Variants in SLC22A25 observed in about 807,000 individuals in gnomAD.
SLC22A25 encodes solute carrier family 22 member 25, also known as MGI:2442751, MGI:2385316, MGI:3042283, MGI:3645714, MGI:3605624, MGI:2442750.
Under a neutral mutation model 45.9 loss-of-function variants are expected in SLC22A25, and 44 were observed. The observed-to-expected ratio is 0.96, with a 90% CI of 0.75 to 1.23. The LOEUF is 1.23. SLC22A25 is among the 50% of genes most tolerant of loss of function. The pLI is 0.00. For synonymous variants in SLC22A25, 283 were observed against 238.6 expected, an observed-to-expected ratio of 1.19 and a Z score of -1.72; for missense variants, 800 against 666.4, an observed-to-expected ratio of 1.20 and a Z score of -2.21.
At chr11:63,191,867 T>C (rs1479278198) in intron 7 of SLC22A25, among the ~76,000 whole-genome samples, 1 of 152,006 alleles carries the variant, frequency 6.6e-6, no homozygotes, top group Non-Finnish European at 1.5e-5. Context: ...CTGAAAGGGA[T>C]TGGAAGAATG....
chr11:63,231,756 A>C (rs1229488287), intron 3 of SLC22A25, among the ~76,000 whole-genome samples: 2 of 152,118 alleles, frequency 1.3e-5, no homozygotes, highest in Non-Finnish European at 2.9e-5. Flanking sequence ...TAGGGTTTTT[A>C]TGGTTTTAGG....
chr11:63,210,273 C>T lies in SLC22A25; in HGVS notation c.830+7041G>A, dbSNP rs576150958. Among the ~76,000 whole-genome samples the T allele has an allele frequency of 2.0e-5, 3 of 152,048 alleles. No homozygotes were observed. The East Asian group carries it at 5.8e-4, about 29-fold the overall frequency. ...AATAACAAACAAAGTATACATAAAC[C>T]GGGAAGAAAGGAAGAAAGAAAAACC... On this transcript the variant is annotated intron_variant, in intron 7 of 11. Coordinates refer to ENST00000306494, the MANE Select transcript of SLC22A25 (RefSeq NM_199352.6).
chr11:63,204,428 A>G (rs921376092), intron 7 of SLC22A25, among the ~76,000 whole-genome samples: 4 of 152,216 alleles, frequency 2.6e-5, no homozygotes, highest in Non-Finnish European at 5.9e-5. Flanking sequence ...CACATGCAAG[A>G]ACACACATAG....
At chr11:63,204,308 A>G (rs967312600) in intron 7 of SLC22A25, among the ~76,000 whole-genome samples, 1 of 152,232 alleles carries the variant, frequency 6.6e-6, no homozygotes. Context: ...ACATATAACC[A>G]TATTAACCTT....
chr11:63,180,223 T>A (rs753510912), intron 9 of SLC22A25, among the ~76,000 whole-genome samples: 92 of 152,304 alleles, frequency 6.0e-4, no homozygotes, highest in Non-Finnish European at 1.0e-3. Flanking sequence ...TACGTCATCT[T>A]GCTGAACTTG....
chr11:63,215,931 C>T (rs2089698023), intron 7 of SLC22A25, among the ~76,000 whole-genome samples: 1 of 152,176 alleles, frequency 6.6e-6, no homozygotes, highest in Non-Finnish European at 1.5e-5. Context: ...ATCCATGTTC[C>T]TGCAAAAGAC....
At chr11:63,169,268 GC>G (rs1331105015) in intron 9 of SLC22A25, among the ~76,000 whole-genome samples, 2 of 152,078 alleles carry the variant, frequency 1.3e-5, no homozygotes, top group African/African-American at 4.8e-5. Context: ...CAACTAATGT[GC>G]AAACTAAGCA....
chr11:63,224,049 T>C (rs1161709721), intron 5 of SLC22A25, among the ~76,000 whole-genome samples: 1 of 152,142 alleles, frequency 6.6e-6, no homozygotes, highest in Non-Finnish European at 1.5e-5. Flanking sequence ...ATATTGAAAG[T>C]GGGGTGTTGA....
intron 8 of SLC22A25, 112 bp downstream of exon 8, chr11:63,183,582 A>T: frequency 7.4e-7 from 1 of 1,353,096 alleles, no homozygotes; most frequent in Non-Finnish European, 1.0e-6. Flanking sequence ...AGGTGAGATG[A>T]CCCATAACTC....
At chr11:63,170,215 A>G (rs909424547) in intron 9 of SLC22A25, among the ~76,000 whole-genome samples, 1 of 152,158 alleles carries the variant, frequency 6.6e-6, no homozygotes, top group Non-Finnish European at 1.5e-5. Flanking sequence ...GAAAGCGAGA[A>G]AGATCTAAAA....
chr11:63,222,932 G>A (rs2089884697), intron 5 of SLC22A25, among the ~76,000 whole-genome samples: 1 of 151,808 alleles, frequency 6.6e-6, no homozygotes, highest in African/African-American at 2.4e-5. Flanking sequence ...CACATCAATT[G>A]ATTTTTGTAT....
At chr11:63,194,857 G>C (rs2088949271) in intron 7 of SLC22A25, among the ~76,000 whole-genome samples, 1 of 108,928 alleles carries the variant, frequency 9.2e-6, no homozygotes, top group Non-Finnish European at 1.8e-5. Flanking sequence ...CAAAATAAAG[G>C]GATGGAGGAA....
chr11:63,231,526 C>T (rs1044639392), intron 3 of SLC22A25, among the ~76,000 whole-genome samples: 2 of 152,050 alleles, frequency 1.3e-5, no homozygotes, highest in Non-Finnish European at 1.5e-5. Flanking sequence ...TGTTGGAGTT[C>T]ATTGTAGATT....
intron 7 of SLC22A25, among the ~76,000 whole-genome samples, chr11:63,205,439 CAAA>C (rs1466625844): frequency 6.6e-6 from 1 of 151,978 alleles, no homozygotes; most frequent in East Asian, 1.9e-4. Context: ...AGAGAAGAAT[CAAA>C]TTGGCACAAT....
chr11:63,175,957 G>C (rs2088072644), intron 9 of SLC22A25, among the ~76,000 whole-genome samples: 1 of 151,910 alleles, frequency 6.6e-6, no homozygotes, highest in Non-Finnish European at 1.5e-5. Flanking sequence ...TAGTTGCTTA[G>C]CACCATTTGC....
intron 8 of SLC22A25, among the ~76,000 whole-genome samples, chr11:63,182,163 G>A (rs893846349): frequency 6.6e-6 from 1 of 152,010 alleles, no homozygotes; most frequent in African/African-American, 2.4e-5. Context: ...ACAATATTAG[G>A]TACCCATTCA....
At chr11:63,183,965 C>A (rs2088424950) in intron 7 of SLC22A25, 148 bp from the exon 8 acceptor site, 3 of 1,126,682 alleles carry the variant, frequency 2.7e-6, no homozygotes, top group Middle Eastern at 2.6e-4. Context: ...TTCTCTTGTG[C>A]CATCACCAGG....
At chr11:63,191,397 G>A (rs574403291) in intron 7 of SLC22A25, among the ~76,000 whole-genome samples, 1 of 152,192 alleles carries the variant, frequency 6.6e-6, no homozygotes, top group African/African-American at 2.4e-5. Flanking sequence ...CCATTGAAAA[G>A]CACAGTATTA....
chr11:63,234,524 T>C (rs1289377784), intron 3 of SLC22A25, among the ~76,000 whole-genome samples: 1 of 152,212 alleles, frequency 6.6e-6, no homozygotes, highest in Non-Finnish European at 1.5e-5. Context: ...TTTGAGCCTA[T>C]GTGTGTCTCT....
Sources: allele counts gnomAD v4.1 joint callset (sites outside exome capture counted in the v4.1 genomes callset), GRCh38; gene constraint gnomAD v4.1.1; transcripts MANE v1.5; gene names NCBI Gene and HGNC (gene_info 2026-07-23, HGNC 2026-07-21).